FAM227B: variants seen among roughly 807,000 people sequenced by gnomAD.
FAM227B encodes protein FAM227B.
Under a neutral mutation model 73.8 loss-of-function variants are expected in FAM227B, and 88 were observed. The ratio of observed to expected loss-of-function variants is 1.19; its 90% CI spans 1.00 to 1.42. The LOEUF (loss-of-function observed/expected upper bound fraction) is 1.42. FAM227B is among the 40% of genes most tolerant of loss of function. The pLI is 0.00. For missense variants in FAM227B, 632 were observed against 590.9 expected (o/e 1.07, Z -0.72); for synonymous variants, 210 against 190.5 (o/e 1.10, Z -0.84).
At chr15:49,612,377 T>C (rs59572993) in intron 2 of FAM227B, among the ~76,000 whole-genome samples, 2,994 of 152,266 alleles carry the variant, frequency 0.02, 120 homozygotes, top group African/African-American at 0.069. Context: ...TTGCTGAGAA[T>C]GATGGTTTCT....
intron 11 of FAM227B, among the ~76,000 whole-genome samples, chr15:49,489,789 T>G (rs1351753868): frequency 1.1e-5 from 1 of 89,870 alleles, no homozygotes; most frequent in Non-Finnish European, 2.3e-5. Context: ...GAACAGGAGA[T>G]ATATATATAT....
chr15:49,503,548 G>C (rs1475903775), intron 11 of FAM227B, among the ~76,000 whole-genome samples: 1 of 152,100 alleles, frequency 6.6e-6, no homozygotes, highest in Non-Finnish European at 1.5e-5. Flanking sequence ...CTAATATCCA[G>C]ACTCTACAAA....
At chr15:49,516,313 C>A (rs1778454917) in intron 10 of FAM227B, among the ~76,000 whole-genome samples, 1 of 152,086 alleles carries the variant, frequency 6.6e-6, no homozygotes, top group Non-Finnish European at 1.5e-5. Context: ...TATCCGCACA[C>A]TAACCTATGC....
intron 11 of FAM227B, among the ~76,000 whole-genome samples, chr15:49,428,833 A>C (rs754811575): frequency 4.6e-5 from 7 of 152,058 alleles, no homozygotes; most frequent in Non-Finnish European, 7.4e-5. Flanking sequence ...AGGGTTAGCC[A>C]TTCTGAAAAC....
rs2057480881 is a variant in FAM227B at position 49,495,101 on chromosome 15, T to G, written c.1012+13110A>C. Reference sequence around the variant, plus strand: ...TTAGTATAATATGCTAATAATTCATTTCATAATATAATGGAAACCTGCTGT... The same window carrying G: ...TTAGTATAATATGCTAATAATTCATGTCATAATATAATGGAAACCTGCTGT... On this transcript the variant is annotated intron_variant, in intron 11 of 15. Coordinates refer to ENST00000299338, the MANE Select transcript of FAM227B (RefSeq NM_152647.3). 2.6e-5 allele frequency among the ~76,000 whole-genome samples: 4 copies of G among 152,316 alleles called. 1 individual carries two copies. In the South Asian group the frequency reaches 8.3e-4, roughly 32 times the overall value.
intron 10 of FAM227B, among the ~76,000 whole-genome samples, chr15:49,516,022 T>G (rs117094444): frequency 6.6e-6 from 1 of 152,188 alleles, no homozygotes; most frequent in African/African-American, 2.4e-5. Flanking sequence ...GGATCTGGTA[T>G]GTAGTCCTGG....
chr15:49,604,474 T>C (rs2153315641), intron 3 of FAM227B, among the ~76,000 whole-genome samples: 1 of 152,322 alleles, frequency 6.6e-6, no homozygotes, highest in Middle Eastern at 3.4e-3. Flanking sequence ...GCTTTCAAAA[T>C]TATCTCATCT....
intron 2 of FAM227B, among the ~76,000 whole-genome samples, chr15:49,613,051 C>T (rs1371711219): frequency 6.6e-6 from 1 of 151,780 alleles, no homozygotes; most frequent in Admixed American, 6.6e-5. Context: ...TCAATGGGTA[C>T]AAAAATATAG....
At chr15:49,607,057 G>A (rs995864401) in intron 3 of FAM227B, among the ~76,000 whole-genome samples, 3 of 152,122 alleles carry the variant, frequency 2.0e-5, no homozygotes, top group African/African-American at 7.2e-5. Context: ...TAGCTTAAGG[G>A]GAAGAAATCT....
rs141679027 is a variant in FAM227B, at chr15:49,445,961, T to C, written c.1012+62250A>G. 7.0e-3 allele frequency among the ~76,000 whole-genome samples: 1,056 copies of C among 151,698 alleles called. 17 individuals are homozygous for C. The highest frequency in any genetic ancestry group is 0.025 in the African/African-American group (1,017 of 41,482). ...AATGCCCAAGTATCAGACTTCCCCATCTACATTATAATTTTATATAAATTC... is the reference window on the plus strand; with the variant it reads ...AATGCCCAAGTATCAGACTTCCCCACCTACATTATAATTTTATATAAATTC... On this transcript the variant is annotated intron_variant, in intron 11 of 15. Coordinates refer to ENST00000299338, the MANE Select transcript of FAM227B (RefSeq NM_152647.3).
intron 11 of FAM227B, among the ~76,000 whole-genome samples, chr15:49,377,651 G>A (rs566788841): frequency 5.3e-5 from 8 of 152,128 alleles, no homozygotes; most frequent in African/African-American, 1.9e-4. Flanking sequence ...CCATTTGTAC[G>A]TCTTCTTTTG....
chr15:49,500,055 G>A (rs531757314), intron 11 of FAM227B, among the ~76,000 whole-genome samples: 1 of 152,222 alleles, frequency 6.6e-6, no homozygotes, highest in East Asian at 1.9e-4. Context: ...AAATGAAAGG[G>A]CAAGCAACAT....
rs190343255 is a variant in FAM227B, at chr15:49,541,801, A to G, written c.753T>C (p.Tyr251=). The G allele has an allele frequency of 4.1e-4, 591 of 1,427,112 alleles. No individual in the cohort carries two copies. Among genetic ancestry groups the G allele is most frequent in the Non-Finnish European group, 5.0e-4 (542 of 1,087,454 alleles). The allele number at this position is 1,427,112 out of a possible 1,614,324, so 88.4% of individuals were successfully genotyped here. A position where few individuals can be genotyped will look rare whatever the true frequency, so the allele number is the denominator to read the frequency against. ...ATATGGCTTGTGCCAAACAATCAGG[A>G]TATATCTACCAAAATAAAATCAAAT... The part of the protein sequence containing the change: ...LSRKDAFFQI[Y]PDCLAQAIYA... The change falls in exon 10 of 16, where the codon TAT becomes TAC. Residue 251 remains tyrosine (Y), a synonymous_variant. Transcript: ENST00000299338.
At chr15:49,598,796 T>A (rs147958026) in intron 3 of FAM227B, among the ~76,000 whole-genome samples, 1 of 152,048 alleles carries the variant, frequency 6.6e-6, no homozygotes, top group East Asian at 1.9e-4. Flanking sequence ...CATGAATAAA[T>A]CCTACTTGAT....
chr15:49,551,813 C>A (rs2073057700), intron 9 of FAM227B, among the ~76,000 whole-genome samples: 1 of 152,050 alleles, frequency 6.6e-6, no homozygotes, highest in Admixed American at 6.5e-5. Context: ...TTTTAAAACC[C>A]ATATTTTAAC....
At chr15:49,446,823 G>C (rs1253980315) in intron 11 of FAM227B, among the ~76,000 whole-genome samples, 1 of 151,486 alleles carries the variant, frequency 6.6e-6, no homozygotes, top group Non-Finnish European at 1.5e-5. Context: ...ATTAAAGGAA[G>C]GATGTTAGGA....
At chr15:49,550,499 A>T (rs76921358) in intron 9 of FAM227B, among the ~76,000 whole-genome samples, 1 of 150,472 alleles carries the variant, frequency 6.6e-6, no homozygotes, top group African/African-American at 2.4e-5. Flanking sequence ...GGCAGCTGCC[A>T]GGCGGAGGGG....
chr15:49,524,584 T>C (rs1479859171), intron 10 of FAM227B, among the ~76,000 whole-genome samples: 1 of 152,124 alleles, frequency 6.6e-6, no homozygotes, highest in African/African-American at 2.4e-5. Flanking sequence ...GCCTAGTGGA[T>C]CTGTGAGAAG....
chr15:49,496,445 C>A (rs2057614854), intron 11 of FAM227B, among the ~76,000 whole-genome samples: 1 of 151,752 alleles, frequency 6.6e-6, no homozygotes, highest in African/African-American at 2.4e-5. Flanking sequence ...GGTATTGTAC[C>A]ACAATAAAGA....
Sources: allele counts gnomAD v4.1 joint callset (sites outside exome capture counted in the v4.1 genomes callset), GRCh38; gene constraint gnomAD v4.1.1; transcripts MANE v1.5; gene names NCBI Gene and HGNC (gene_info 2026-07-23, HGNC 2026-07-21).